ATOSB: variants seen among roughly 807,000 people sequenced by gnomAD.
The protein encoded by ATOSB is atos homolog protein B.
chr9:35,112,141 A>G, the ATOSB span, among the ~76,000 whole-genome samples: 1 of 152,310 alleles, frequency 6.6e-6, no homozygotes, highest in Non-Finnish European at 1.5e-5. Context: ...GTGGGACCCT[A>G]TCTCCTTCCA....
At chr9:35,104,166 T>C in the ATOSB span, 2 of 152,656 alleles carry the variant, frequency 1.3e-5, no homozygotes, top group African/African-American at 4.8e-5. Flanking sequence ...TTAATCTTTT[T>C]TTCTAAAAAA....
the ATOSB span, chr9:35,108,174 A>G: frequency 1.3e-6 from 2 of 1,593,856 alleles, no homozygotes; most frequent in African/African-American, 2.7e-5. Context: ...GCTGTAGCCC[A>G]TGAGCAGGCC....
chr9:35,108,278 GC>G, the ATOSB span: 5 of 1,539,338 alleles, frequency 3.2e-6, no homozygotes. Context: ...GGCGCATGAA[GC>G]CCCCCTTGGG....
the ATOSB span, chr9:35,108,269 G>A: frequency 8.4e-6 from 13 of 1,546,206 alleles, 1 homozygote; most frequent in South Asian, 1.5e-4. Flanking sequence ...CCTGCACGTG[G>A]CGCATGAAGC....
At chr9:35,107,319 C>CAAAAAA in the ATOSB span, 20 of 1,161,210 alleles carry the variant, frequency 1.7e-5, 2 homozygotes, top group Admixed American at 1.1e-4. Flanking sequence ...GATCCCATCT[C>CAAAAAA]AAAAAAAAAA....
At chr9:35,114,574 C>T in the ATOSB span, among the ~76,000 whole-genome samples, 2 of 152,326 alleles carry the variant, frequency 1.3e-5, no homozygotes, top group East Asian at 3.9e-4. Context: ...AGCAGAGGAG[C>T]CCTCAAGAGA....
At chr9:35,107,239 C>T in the ATOSB span, 1 of 1,039,482 alleles carries the variant, frequency 9.6e-7, no homozygotes, top group Non-Finnish European at 1.4e-6. Context: ...TGGAGGATCC[C>T]TTGAGCCTGG....
chr9:35,106,448 T>G, the ATOSB span: 5 of 1,613,508 alleles, frequency 3.1e-6, no homozygotes, highest in Non-Finnish European at 4.2e-6. This position sits in a 1 kb window ranked among gnomAD's most constrained non-coding sequence, Gnocchi z 4.6. Flanking sequence ...AAGAGAGAGA[T>G]GCCAATTCTT....
the ATOSB span, among the ~76,000 whole-genome samples, chr9:35,115,076 G>C: frequency 6.6e-5 from 10 of 152,008 alleles, no homozygotes; most frequent in Admixed American, 5.2e-4. Context: ...ACCAAGGCCG[G>C]CTCTGGGAGG....
chr9:35,104,815 G>A, the ATOSB span: 1 of 177,418 alleles, frequency 5.6e-6, no homozygotes, highest in African/African-American at 2.4e-5. Flanking sequence ...GGGGAGGAGT[G>A]ATGCCAATTA....
the ATOSB span, chr9:35,106,600 G>C: frequency 1.8e-4 from 281 of 1,563,970 alleles, no homozygotes; most frequent in South Asian, 1.0e-3. This position sits in a 1 kb window ranked among gnomAD's most constrained non-coding sequence, Gnocchi z 4.6. Context: ...GCACTGGGGG[G>C]GCTCAGCAGG....
At chr9:35,106,931 G>A in the ATOSB span, 1 of 1,530,902 alleles carries the variant, frequency 6.5e-7, no homozygotes, top group Non-Finnish European at 8.9e-7. The surrounding 1 kb of genome is among the most constrained non-coding windows in gnomAD (Gnocchi z 4.6). Flanking sequence ...CAGGGTGAAG[G>A]CCATGTATGT....
chr9:35,114,996 G>A, the ATOSB span, among the ~76,000 whole-genome samples: 2 of 151,854 alleles, frequency 1.3e-5, no homozygotes, highest in African/African-American at 4.8e-5. Flanking sequence ...CAGGCCCTGG[G>A]GCAAGGAAGG....
the ATOSB span, chr9:35,108,157 CT>C: frequency 1.9e-6 from 3 of 1,585,656 alleles, no homozygotes; most frequent in Admixed American, 1.9e-5. Flanking sequence ...GTCGCCCCCC[CT>C]GCTGGGCTGT....
At chr9:35,109,173 A>G in the ATOSB span, 1 of 152,304 alleles carries the variant, frequency 6.6e-6, no homozygotes, top group Non-Finnish European at 1.5e-5. Flanking sequence ...ATCCTAGGGC[A>G]CTAAGGGCAG....
the ATOSB span, chr9:35,108,333 G>T: frequency 1.4e-6 from 2 of 1,469,172 alleles, no homozygotes; most frequent in African/African-American, 1.4e-5. Flanking sequence ...GGCCTGGGCT[G>T]GGGGGCCTGG....
At chr9:35,107,264 A>G in the ATOSB span, 1 of 1,241,230 alleles carries the variant, frequency 8.1e-7, no homozygotes, top group East Asian at 2.6e-5. Context: ...AGGAGGTTGC[A>G]GTCAGCTGAG....
chr9:35,107,770 C>T, the ATOSB span: 68 of 1,561,304 alleles, frequency 4.4e-5, no homozygotes, highest in African/African-American at 8.2e-4. Context: ...CCCAGGGACC[C>T]CTGTCCCCCT....
the ATOSB span, chr9:35,105,115 C>T: frequency 3.2e-6 from 4 of 1,263,094 alleles, no homozygotes; most frequent in Non-Finnish European, 4.3e-6. This position sits in a 1 kb window ranked among gnomAD's most constrained non-coding sequence, Gnocchi z 5.5. Context: ...ATGGTGAGGG[C>T]TTTAATTCAA....
Sources: allele counts gnomAD v4.1 joint callset (sites outside exome capture counted in the v4.1 genomes callset), GRCh38; gene constraint gnomAD v4.1.1; non-coding constraint Gnocchi (gnomAD v3.1); transcripts MANE v1.5; gene names NCBI Gene and HGNC (gene_info 2026-07-23, HGNC 2026-07-21).